The following MTHFD2 variants were observed in gnomAD, a reference collection of about 807,000 sequenced individuals.
MTHFD2 encodes bifunctional methylenetetrahydrofolate dehydrogenase/cyclohydrolase, mitochondrial.
In MTHFD2, 26 loss-of-function variants were observed where a neutral mutation model predicts 36.8. That is an observed-to-expected ratio of 0.71 (90% CI 0.52 to 0.98). The LOEUF (loss-of-function observed/expected upper bound fraction) is 0.98, where lower values mean the gene tolerates loss of function less well. MTHFD2 is among the 50% of genes least tolerant of loss of function. The probability of loss-of-function intolerance (pLI) is 0.00; values close to 1 mark genes in which losing one functional copy is unlikely to be tolerated. For missense variants in MTHFD2, 373 were observed against 434.0 expected (o/e 0.86, Z 1.25); for synonymous variants, 164 against 155.2 (o/e 1.06, Z -0.42).
At chr2:74,209,905 G>C in intron 4 of MTHFD2, 37 bp from the exon 5 acceptor site, 1 of 1,560,746 alleles carries the variant, frequency 6.4e-7, no homozygotes. Context: ...CCTTTGGACT[G>C]GCACTACTTT....
chr2:74,207,963 C>A, intron 3 of MTHFD2, 137 bp downstream of exon 3: 1 of 894,026 alleles, frequency 1.1e-6, no homozygotes, highest in Non-Finnish European at 1.7e-6. Flanking sequence ...GGCTAGAGTG[C>A]AATGGTACAA....
Position 74,205,764 on chromosome 2 carries a change from G to T in MTHFD2, c.161G>T (p.Arg54Leu). 6.2e-7 allele frequency: 1 copy of T among 1,613,760 alleles called. No individual in the cohort carries two copies. Among genetic ancestry groups the T allele is most frequent in the South Asian group, 1.1e-5 (1 of 91,054 alleles). The stretch of plus-strand genomic sequence containing the variant: ...GCCCAGCAGATCAAGCAGGAAGTGC[G>T]GCAGGAGGTAGAAGAGTGGGTGGCC... The part of the protein sequence containing the change: ...KLAQQIKQEV[R>L]QEVEEWVASG... Residue 54 changes from arginine to leucine, a missense_variant, in exon 2 of 8, where the codon CGG becomes CTG. Physicochemically the swap from Arg to Leu is moderately radical, Grantham distance 102 (BLOSUM62 -2). Transcript: ENST00000394053.
chr2:74,210,088 C>T (rs1456210167), intron 5 of MTHFD2, 39 bp downstream of exon 5: 2 of 1,541,336 alleles, frequency 1.3e-6, no homozygotes, highest in South Asian at 2.3e-5. Flanking sequence ...TCCTTTTTTC[C>T]CCATGTAAGA....
Position 74,214,406 on chromosome 2 carries a change from G to A in MTHFD2, c.*164G>A, listed in dbSNP as rs931675108. On this transcript the variant is annotated 3_prime_UTR_variant, in exon 8 of 8. Coordinates refer to ENST00000394053, the MANE Select transcript of MTHFD2 (RefSeq NM_006636.4). ...GGTGGGTGTTTCTGCACATACCTCT[G>A]CAGTACCTCACCAGGGAGCATTCCA... The A allele has an allele frequency of 3.0e-6, 2 of 668,106 alleles. No homozygotes were observed. The highest frequency in any genetic ancestry group is 3.2e-5 in the East Asian group (1 of 30,942). 41.4% of individuals were successfully genotyped at this position (668,106 alleles called of 1,614,324 possible). A position where few individuals can be genotyped will look rare whatever the true frequency, so the allele number is the denominator to read the frequency against.
chr2:74,207,896 C>CT, intron 3 of MTHFD2, 70 bp downstream of exon 3: 1 of 1,455,792 alleles, frequency 6.9e-7, no homozygotes, highest in South Asian at 1.3e-5. Flanking sequence ...CCCTCTCTCT[C>CT]TCCCTCCCCA....
In MTHFD2 at chr2:74,211,346, A is replaced by G. The variant is rs1572989545; in HGVS notation, c.763+55A>G. On this transcript the variant is annotated intron_variant, in intron 6 of 7. Coordinates refer to ENST00000394053, the MANE Select transcript of MTHFD2 (RefSeq NM_006636.4). Reference sequence around the variant, plus strand: ...ACTTCACCTCAGAAGAGGAGGTTGTACCCCTCATCTTAGAATTCGCCTGCC... The same window carrying G: ...ACTTCACCTCAGAAGAGGAGGTTGTGCCCCTCATCTTAGAATTCGCCTGCC... 4.3e-6 allele frequency: 5 copies of G among 1,153,222 alleles called. 1 individual carries two copies. Among genetic ancestry groups the G allele is most frequent in the African/African-American group, 1.5e-5 (1 of 64,592 alleles). The allele number at this position is 1,153,222 out of a possible 1,614,324, so 71.4% of individuals were successfully genotyped here.
intron 7 of MTHFD2, 149 bp from the exon 8 acceptor site, chr2:74,213,930 C>T (rs1694368884): frequency 2.6e-6 from 2 of 764,812 alleles, no homozygotes; most frequent in East Asian, 5.5e-5. Context: ...CTAGTGTGTT[C>T]ACAAAACCTT....
intron 6 of MTHFD2, 71 bp downstream of exon 6, chr2:74,211,362 T>A: frequency 2.1e-6 from 2 of 944,168 alleles, no homozygotes; most frequent in Non-Finnish European, 3.3e-6. Context: ...CATCTTAGAA[T>A]TCGCCTGCCT....
At chr2:74,203,906 G>GTTTAGTTTAGTTTAGTTAGTTTAGT (rs369717981) in intron 1 of MTHFD2, among the ~76,000 whole-genome samples, 1 of 29,516 alleles carries the variant, frequency 3.4e-5, no homozygotes, top group East Asian at 8.8e-4. Flanking sequence ...GTTTAGTTTA[G>GTTTAGTTTAGTTTAGTTAGTTTAGT]TTAGTTTAGT....
At chr2:74,199,092 C>A (rs1389128284) in intron 1 of MTHFD2, among the ~76,000 whole-genome samples, 1 of 152,214 alleles carries the variant, frequency 6.6e-6, no homozygotes, top group Non-Finnish European at 1.5e-5. Flanking sequence ...CCGACAGCGC[C>A]GGCCGCCTCT....
intron 1 of MTHFD2, among the ~76,000 whole-genome samples, chr2:74,199,630 C>T (rs1358877845): frequency 6.6e-6 from 1 of 151,360 alleles, no homozygotes; most frequent in East Asian, 1.9e-4. Context: ...ATCGCTTGAG[C>T]CCAGGAGTTC....
chr2:74,202,512 TTTAA>T (rs1416550948), intron 1 of MTHFD2, among the ~76,000 whole-genome samples: 1 of 151,898 alleles, frequency 6.6e-6, no homozygotes, highest in Non-Finnish European at 1.5e-5. Context: ...ACCCCCCTAT[TTTAA>T]TTTTTTTTTT....
At chr2:74,212,088 T>C (rs1694318044) in intron 7 of MTHFD2, among the ~76,000 whole-genome samples, 1 of 148,464 alleles carries the variant, frequency 6.7e-6, no homozygotes, top group South Asian at 2.1e-4. Flanking sequence ...TAGCTGGGAC[T>C]CCCAAAGTGT....
chr2:74,204,670 A>G (rs955556506), intron 1 of MTHFD2, among the ~76,000 whole-genome samples: 3 of 152,152 alleles, frequency 2.0e-5, no homozygotes, highest in African/African-American at 7.2e-5. Flanking sequence ...TTTGGATGAT[A>G]TGGTGGGGTC....
rs376752504 is a variant in MTHFD2, at chr2:74,214,246, C to T, written c.*4C>T. On this transcript the variant is annotated 3_prime_UTR_variant, in exon 8 of 8. Transcript: ENST00000394053. Reference sequence around the variant, plus strand: ...GCTTGGGGTAGCCACTAATTAACTACTGTGTCTTCTGTGTCACAAACAGCA... The same window carrying T: ...GCTTGGGGTAGCCACTAATTAACTATTGTGTCTTCTGTGTCACAAACAGCA... 11 of 1,612,682 alleles carry T rather than the reference C, an allele frequency of 6.8e-6. No homozygotes were observed. Among genetic ancestry groups the T allele is most frequent in the African/African-American group, 5.3e-5 (4 of 74,898 alleles).
chr2:74,198,824 C>A (rs1044707616), intron 1 of MTHFD2, 82 bp downstream of exon 1: 2 of 1,281,236 alleles, frequency 1.6e-6, no homozygotes, highest in East Asian at 2.7e-5. Context: ...CCGAGGGACA[C>A]CGAGGGAAGT....
intron 1 of MTHFD2, 122 bp downstream of exon 1, chr2:74,198,864 G>C (rs1335420684): frequency 3.1e-6 from 3 of 970,370 alleles, no homozygotes; most frequent in East Asian, 5.9e-5. Context: ...CCCGGCGGTG[G>C]TGGCCGCTGA....
intron 7 of MTHFD2, among the ~76,000 whole-genome samples, chr2:74,212,344 C>T (rs190659598): frequency 6.8e-6 from 1 of 146,812 alleles, no homozygotes; most frequent in East Asian, 2.0e-4. Context: ...CGGCTCACTG[C>T]AGCCTCCACC....
At chr2:74,212,049 A>G (rs1420481639) in intron 7 of MTHFD2, among the ~76,000 whole-genome samples, 183 bp downstream of exon 7, 1 of 137,974 alleles carries the variant, frequency 7.2e-6, no homozygotes, top group Non-Finnish European at 1.5e-5. Flanking sequence ...TCCTGGGTTC[A>G]AGCTATTCTT....
Sources: allele counts gnomAD v4.1 joint callset (sites outside exome capture counted in the v4.1 genomes callset), GRCh38; gene constraint gnomAD v4.1.1; transcripts MANE v1.5; gene names NCBI Gene and HGNC (gene_info 2026-07-23, HGNC 2026-07-21).